Variants in FGGY observed in about 807,000 individuals in gnomAD.
FGGY encodes FGGY carbohydrate kinase domain-containing protein.
Under a neutral mutation model 71.3 loss-of-function variants are expected in FGGY, and 72 were observed. The observed-to-expected ratio is 1.01, with a 90% CI of 0.84 to 1.23. The LOEUF (loss-of-function observed/expected upper bound fraction) is 1.23, where lower values mean the gene tolerates loss of function less well. Among genes scored for constraint, FGGY ranks in the 50% most tolerant of loss-of-function variants. FGGY has a pLI of 0.00. For synonymous variants in FGGY, 251 were observed against 250.3 expected (o/e 1.00, Z -0.02); for missense variants, 668 against 682.3 (o/e 0.98, Z 0.23).
chr1:59,725,310 T>C (rs1010973108), intron 14 of FGGY, among the ~76,000 whole-genome samples: 15 of 152,316 alleles, frequency 9.8e-5, no homozygotes, highest in African/African-American at 3.6e-4. Context: ...CTGGATTCTC[T>C]CCTTGGTTCC....
rs202180546 is a variant in FGGY, at chr1:59,762,574, A to G, written c.1646A>G (p.Asn549Ser). ...EHQKEYLAIM[N>S]DD Reference sequence around the variant, plus strand: ...CAGAAGGAGTATTTGGCGATCATGAATGATGACTGAACAGGGCTTGCAGGT... The same window carrying G: ...CAGAAGGAGTATTTGGCGATCATGAGTGATGACTGAACAGGGCTTGCAGGT... The change falls in exon 16 of 16, where the codon AAT becomes AGT. Residue 549 changes from asparagine to serine, a missense_variant. Asn to Ser is a conservative substitution (Grantham distance 46). Transcript: ENST00000303721. 178 of 1,613,608 alleles carry G rather than the reference A, an allele frequency of 1.1e-4. No individual in the cohort carries two copies. The highest frequency in any genetic ancestry group is 8.5e-6 in the Non-Finnish European group (10 of 1,179,732).
intron 14 of FGGY, among the ~76,000 whole-genome samples, chr1:59,677,381 C>G (rs545101887): frequency 3.4e-4 from 52 of 152,328 alleles, no homozygotes; most frequent in African/African-American, 1.2e-3. Flanking sequence ...TTTATCTTCT[C>G]ATGGACCACA....
At chr1:59,586,961 G>T (rs749622102) in intron 8 of FGGY, among the ~76,000 whole-genome samples, 1 of 152,150 alleles carries the variant, frequency 6.6e-6, no homozygotes, top group Non-Finnish European at 1.5e-5. Flanking sequence ...TGGGTGCAGC[G>T]CACCGTGCAC....
chr1:59,576,400 G>C (rs1571506439), intron 8 of FGGY, among the ~76,000 whole-genome samples: 1 of 151,974 alleles, frequency 6.6e-6, no homozygotes, highest in African/African-American at 2.4e-5. Context: ...GGCCAGTCGG[G>C]GGGTAGGGGG....
chr1:59,674,767 C>T (rs4578243), intron 14 of FGGY, among the ~76,000 whole-genome samples: 110,415 of 152,098 alleles, frequency 0.73, 41,133 homozygotes, highest in East Asian at 0.83. Flanking sequence ...ACTTTTCCTC[C>T]CACCAAATTG....
At chr1:59,396,397 T>C (rs1571578160) in intron 5 of FGGY, among the ~76,000 whole-genome samples, 1 of 152,202 alleles carries the variant, frequency 6.6e-6, no homozygotes, top group Non-Finnish European at 1.5e-5. Context: ...TTTGTTTCTT[T>C]TGATTTTTTT....
At chr1:59,375,214 C>T (rs142735512) in intron 4 of FGGY, among the ~76,000 whole-genome samples, 1,836 of 145,668 alleles carry the variant, frequency 0.013, 41 homozygotes, top group African/African-American at 0.043. Flanking sequence ...GAGCTGAGAT[C>T]GCACCACTAC....
chr1:59,481,029 A>G (rs1278651094), intron 6 of FGGY, among the ~76,000 whole-genome samples: 1 of 151,876 alleles, frequency 6.6e-6, no homozygotes, highest in Non-Finnish European at 1.5e-5. Context: ...ATACACACAT[A>G]TAATTTATAA....
intron 8 of FGGY, among the ~76,000 whole-genome samples, chr1:59,586,407 A>G (rs1178035861): frequency 6.6e-6 from 1 of 152,162 alleles, no homozygotes; most frequent in African/African-American, 2.4e-5. Flanking sequence ...TATCGCAAGG[A>G]CAAAAAACCA....
intron 14 of FGGY, among the ~76,000 whole-genome samples, chr1:59,716,933 A>G (rs2097850168): frequency 6.6e-6 from 1 of 152,200 alleles, no homozygotes; most frequent in African/African-American, 2.4e-5. Flanking sequence ...TGAGTAAATA[A>G]TGTGGTGACA....
chr1:59,588,595 C>T (rs2096361151), intron 8 of FGGY, among the ~76,000 whole-genome samples: 1 of 152,066 alleles, frequency 6.6e-6, no homozygotes, highest in Non-Finnish European at 1.5e-5. Flanking sequence ...GATCTCTTGG[C>T]AGAAACCCTA....
At chr1:59,383,729 A>G (rs1012909048) in intron 5 of FGGY, among the ~76,000 whole-genome samples, 8 of 152,158 alleles carry the variant, frequency 5.3e-5, no homozygotes, top group Non-Finnish European at 1.2e-4. Context: ...ATTCTTTTCT[A>G]TTGATAATAA....
At chr1:59,419,723 CCA>C (rs2065081850) in intron 5 of FGGY, among the ~76,000 whole-genome samples, 2 of 152,036 alleles carry the variant, frequency 1.3e-5, no homozygotes, top group African/African-American at 4.8e-5. Flanking sequence ...GATTTTAGGT[CCA>C]GAGTTAAGCA....
At chr1:59,416,997 T>G (rs2064558253) in intron 5 of FGGY, among the ~76,000 whole-genome samples, 1 of 152,234 alleles carries the variant, frequency 6.6e-6, no homozygotes, top group African/African-American at 2.4e-5. Flanking sequence ...ATTCACCATT[T>G]TATGTATACA....
chr1:59,751,192 A>G (rs1163889601), intron 14 of FGGY, among the ~76,000 whole-genome samples: 3 of 152,284 alleles, frequency 2.0e-5, no homozygotes, highest in Non-Finnish European at 4.4e-5. Flanking sequence ...CTCTATTTTC[A>G]GTTCCTTTAT....
chr1:59,657,417 A>G (rs745749722), intron 11 of FGGY, among the ~76,000 whole-genome samples: 5 of 152,196 alleles, frequency 3.3e-5, no homozygotes, highest in Admixed American at 6.5e-5. Context: ...AGGAGACCTA[A>G]TAGCAGAGGT....
Position 59,310,044 on chromosome 1 carries a change from C to T in FGGY, c.-14-11492C>T, listed in dbSNP as rs373478642. 16 of 151,638 alleles carry T rather than the reference C, an allele frequency of 1.1e-4. 1 individual carries two copies. The highest frequency in any genetic ancestry group is 3.9e-4 in the Admixed American group (6 of 15,216). 9.4% of individuals were successfully genotyped at this position (151,638 alleles called of 1,614,324 possible). A position where few individuals can be genotyped will look rare whatever the true frequency, so the allele number is the denominator to read the frequency against. On this transcript the variant is annotated intron_variant, in intron 1 of 15. Coordinates refer to ENST00000303721, the MANE Select transcript of FGGY (RefSeq NM_018291.5). ...CATAAGAATGGGCCAAAGACTTCAA[C>T]CCATCTGTGACTTGGCATTGTCTCT...
chr1:59,693,953 G>A (rs1352377667), intron 14 of FGGY, among the ~76,000 whole-genome samples: 2 of 151,820 alleles, frequency 1.3e-5, no homozygotes, highest in Non-Finnish European at 2.9e-5. Flanking sequence ...GTTGCAGTGA[G>A]CCAATGTTAC....
intron 5 of FGGY, among the ~76,000 whole-genome samples, chr1:59,433,525 C>T (rs906858329): frequency 6.6e-6 from 1 of 152,054 alleles, no homozygotes; most frequent in Non-Finnish European, 1.5e-5. Context: ...AGAGAGGGTC[C>T]CTCTGGAGCA....
Sources: gnomAD v4.1 joint callset for allele counts (sites outside exome capture counted in the v4.1 genomes callset) on GRCh38, gnomAD v4.1.1 for gene constraint, MANE v1.5 for transcripts, NCBI Gene and HGNC (gene_info 2026-07-23, HGNC 2026-07-21) for gene names.